ZBTB17: variants seen among roughly 807,000 people sequenced by gnomAD.
The protein encoded by ZBTB17 is zinc finger and BTB domain containing 17.
In ZBTB17, 24 loss-of-function variants were observed where a neutral mutation model predicts 85.1. The ratio of observed to expected loss-of-function variants is 0.28; its 90% CI spans 0.20 to 0.40. The LOEUF (loss-of-function observed/expected upper bound fraction) is 0.40. Ranked by LOEUF, ZBTB17 falls within the 10% of genes least tolerant of loss-of-function variation. The pLI, the probability that ZBTB17 is intolerant of heterozygous loss-of-function variation, is 1.00. For synonymous variants in ZBTB17, 464 were observed against 460.2 expected, an observed-to-expected ratio of 1.01 and a Z score of -0.11; for missense variants, 743 against 1,105.1, an observed-to-expected ratio of 0.67 and a Z score of 4.65.
At chr1:15,970,795 C>T (rs1319583927) in intron 2 of ZBTB17, among the ~76,000 whole-genome samples, 1 of 152,212 alleles carries the variant, frequency 6.6e-6, no homozygotes, top group Non-Finnish European at 1.5e-5. Flanking sequence ...GATCCACCCA[C>T]CTCAGCCTCC....
intron 1 of ZBTB17, 68 bp downstream of exon 1, chr1:15,975,915 C>T: frequency 1.4e-6 from 1 of 694,988 alleles, no homozygotes; most frequent in South Asian, 1.5e-5. Context: ...CCCACCGCGC[C>T]CCATCCTCCG....
chr1:15,942,741 G>A lies in ZBTB17; in HGVS notation c.1829-3C>T, dbSNP rs780360785. On this transcript the variant is annotated splice_polypyrimidine_tract_variant and splice_region_variant and intron_variant, in intron 13 of 15. Transcript: ENST00000375743. The stretch of plus-strand genomic sequence containing the variant: ...ATCACACAGGTAAGGCTTCTCTCCT[G>A]GGGGAGCAAGGTTCTCTCTTGCCTT... 5.6e-6 allele frequency: 9 copies of A among 1,612,904 alleles called. No homozygotes were observed. The highest frequency in any genetic ancestry group is 8.5e-7 in the Non-Finnish European group (1 of 1,179,930).
intron 2 of ZBTB17, among the ~76,000 whole-genome samples, chr1:15,959,553 G>A (rs1570171282): frequency 7.2e-6 from 1 of 139,124 alleles, no homozygotes; most frequent in East Asian, 2.1e-4. Flanking sequence ...GGAGAGGGAG[G>A]GAGGAAAGGA....
chr1:15,946,632 T>C (rs1202779321), intron 4 of ZBTB17, among the ~76,000 whole-genome samples: 1 of 152,178 alleles, frequency 6.6e-6, no homozygotes, highest in African/African-American at 2.4e-5. Context: ...ATAGTGGGCA[T>C]CTGAGGGCTT....
chr1:15,943,741 G>T, intron 10 of ZBTB17, 26 bp from the exon 11 acceptor site: 2 of 1,612,956 alleles, frequency 1.2e-6, no homozygotes, highest in Non-Finnish European at 1.7e-6. Context: ...GGGCGAACCT[G>T]GCGTGGGGCA....
rs544911905 is a variant in ZBTB17, at chr1:15,969,935, T to C, written c.-3+3104A>G. ...AGTCAGGTGTGAATCTGCCCTCCCA[T>C]TGATTGTCACATGTGGTTTGCTGGT... On this transcript the variant is annotated intron_variant, in intron 2 of 15. Transcript: ENST00000375743. 1.2e-5 allele frequency: 8 copies of C among 688,386 alleles called. 1 individual carries two copies. The South Asian group carries it at 1.2e-4, about 10-fold the overall frequency. 42.6% of individuals were successfully genotyped at this position (688,386 alleles called of 1,614,324 possible). A position where few individuals can be genotyped will look rare whatever the true frequency, so the allele number is the denominator to read the frequency against.
rs777069635 is a variant in ZBTB17 at position 15,945,104 on chromosome 1, C to T, written c.760G>A (p.Gly254Ser). Residue 254 changes from glycine to serine, a missense_variant, in exon 7 of 16, where the codon GGT becomes AGT. This residue lies in a region of ZBTB17 where 279 missense variants were observed against 269.9 expected (regional missense o/e 1.03). Transcript: ENST00000375743. ...GAGPAEVKEE[G>S]SQLENGEAPE... is the part of the protein sequence containing the mutation. The stretch of plus-strand genomic sequence containing the variant: ...GCCTCTCCGTTCTCCAGCTGGGAAC[C>T]CTCCTCCTTGACCTCAGCTGGCCCT... 1.2e-6 allele frequency: 2 copies of T among 1,610,130 alleles called. No individual in the cohort carries two copies. Among genetic ancestry groups the T allele is most frequent in the South Asian group, 2.2e-5 (2 of 89,838 alleles).
chr1:15,943,534 GA>G lies in ZBTB17; in HGVS notation c.1577-16del. The G allele has an allele frequency of 6.2e-7, 1 of 1,610,640 alleles. No homozygotes were observed. Among genetic ancestry groups the G allele is most frequent in the Non-Finnish European group, 8.5e-7 (1 of 1,177,786 alleles). On this transcript the variant is annotated splice_polypyrimidine_tract_variant and intron_variant, in intron 11 of 15. Transcript: ENST00000375743. ...TGGCTTCTCACCTGGGGACCGGGCAGAAGGTGTTGGTGCCTGCTCCTCTCCG... is the reference window on the plus strand; with the variant it reads ...TGGCTTCTCACCTGGGGACCGGGCAGAGGTGTTGGTGCCTGCTCCTCTCCG...
At position 15,942,078 on chromosome 1, in the gene ZBTB17, A is replaced by G. The variant is rs2071382602; in HGVS notation, c.2303T>C (p.Val768Ala). ...GAAGACCAGCTCCCCAGCCTGCAGC[A>G]CCTGCCCGGCAGGCCACGTGCCACC... is the stretch of plus-strand genomic sequence containing the variant. ...GPGGTWPAGQVLQAGELVFRP... is the reference protein window; with the variant it reads ...GPGGTWPAGQALQAGELVFRP... Residue 768 changes from valine to alanine, a missense_variant, in exon 16 of 16, where the codon GTG (valine) becomes GCG (alanine). Transcript: ENST00000375743. 1.2e-6 allele frequency: 2 copies of G among 1,613,102 alleles called. No homozygotes were observed. Among genetic ancestry groups the G allele is most frequent in the Non-Finnish European group, 1.7e-6 (2 of 1,180,022 alleles).
chr1:15,945,042 T>C lies in ZBTB17; in HGVS notation c.822A>G (p.Thr274=), dbSNP rs2071537256. ...EENENEESAG[T]DSGQELGSEA... ...CGGAGCCGAGCTCCTGCCCCGAGTC[T>C]GTGCCCGCTGACTCCTCATTCTCGT... Residue 274 remains threonine, a synonymous_variant, in exon 7 of 16, where the codon ACA becomes ACG. Transcript: ENST00000375743. 1 of 1,609,772 alleles carries C rather than the reference T, an allele frequency of 6.2e-7. No individual in the cohort carries two copies. The highest frequency in any genetic ancestry group is 8.5e-7 in the Non-Finnish European group (1 of 1,178,838).
At chr1:15,975,903 G>C (rs947212966) in intron 1 of ZBTB17, 80 bp downstream of exon 1, 1 of 620,498 alleles carries the variant, frequency 1.6e-6, no homozygotes, top group Middle Eastern at 3.8e-4. Context: ...CGTCACCGGC[G>C]TCCCACCGCG....
rs57569573 is a variant in ZBTB17, at chr1:15,942,982, T to TG, written c.1828+81dup. On this transcript the variant is annotated intron_variant, in intron 13 of 15. Transcript: ENST00000375743. ...AGAGCTAGCACCCGAGGCTGGGGTC[T>TG]GGGGGGTCCCTTCCTTCCCCCTGCT... The TG allele has an allele frequency of 0.094, 147,988 of 1,574,690 alleles. 11,025 individuals carry two copies. Among genetic ancestry groups the TG allele is most frequent in the African/African-American group, 0.39 (29,137 of 74,074 alleles).
chr1:15,975,765 G>A (rs1005263836), intron 1 of ZBTB17, among the ~76,000 whole-genome samples: 2 of 151,914 alleles, frequency 1.3e-5, no homozygotes, highest in African/African-American at 4.8e-5. Context: ...CGGTCGCCTG[G>A]CCGCCCACTC....
intron 2 of ZBTB17, among the ~76,000 whole-genome samples, chr1:15,971,457 C>CTATATA (rs66739372): frequency 0.016 from 1,587 of 97,092 alleles, 55 homozygotes; most frequent in Admixed American, 0.024. Flanking sequence ...TACACACACA[C>CTATATA]TATATATACA....
chr1:15,943,499 C>T lies in ZBTB17; in HGVS notation c.1597G>A (p.Val533Met), dbSNP rs777259857. The T allele has an allele frequency of 1.1e-5, 18 of 1,610,274 alleles. No homozygotes were observed. In the South Asian group the frequency reaches 1.2e-4, roughly 11 times the overall value. ...IHTGEKPCQCVMCGKAFTQAS... is the reference protein window; with the variant it reads ...IHTGEKPCQCMMCGKAFTQAS... ...TGGGTGAAGGCCTTACCGCACATCA[C>T]ACACTGGCATGGCTTCTCACCTGGG... Residue 533 changes from valine (V) to methionine (M), a missense_variant, in exon 12 of 16, where the codon GTG (valine) becomes ATG (methionine). Val to Met is a conservative substitution (Grantham distance 21). Transcript: ENST00000375743.
rs2071602518 is a variant in ZBTB17 at position 15,946,185 on chromosome 1, C to A, written c.504G>T (p.Glu168Asp). ...PIGPSRDLKE[E>D]RGGQAQSAAS... Reference sequence around the variant, plus strand: ...CCGCACTCTGGGCCTGACCGCCGCGCTCCTCCTTGAGGTCCCTGCTGGGGC... The same window carrying A: ...CCGCACTCTGGGCCTGACCGCCGCGATCCTCCTTGAGGTCCCTGCTGGGGC... Residue 168 changes from glutamate (E) to aspartate (D), a missense_variant, in exon 5 of 16, where the codon GAG becomes GAT. Coordinates refer to ENST00000375743, the MANE Select transcript of ZBTB17 (RefSeq NM_003443.3). 6.2e-7 allele frequency: 1 copy of A among 1,611,268 alleles called. No homozygotes were observed. The highest frequency in any genetic ancestry group is 8.5e-7 in the Non-Finnish European group (1 of 1,180,002).
At chr1:15,946,338 C>T (rs1194083982) in intron 4 of ZBTB17, 44 bp from the exon 5 acceptor site, 1 of 1,588,990 alleles carries the variant, frequency 6.3e-7, no homozygotes, top group East Asian at 2.3e-5. Context: ...CATCAAGTGC[C>T]CGCCATCTGG....
rs1183415488 is a variant in ZBTB17, at chr1:15,943,066, G to C, written c.1826C>G (p.Thr609Ser). The C allele has an allele frequency of 1.2e-6, 2 of 1,614,034 alleles. No homozygotes were observed. The highest frequency in any genetic ancestry group is 1.7e-6 in the Non-Finnish European group (2 of 1,180,008). Residue 609 changes from threonine (T) to serine (S), a missense_variant and splice_region_variant, in exon 13 of 16, where the codon ACT (threonine) becomes AGT (serine). Transcript: ENST00000375743. ...GCATGGTAGGGGCCACAGCTCACCA[G>C]TGTGAATGATGATGTGCTTGGACAG... The part of the protein sequence containing the change: ...GDLSKHIIIH[T>S]GEKPYLCDKC...
chr1:15,946,708 G>A (rs780703708), intron 4 of ZBTB17, among the ~76,000 whole-genome samples: 3 of 152,222 alleles, frequency 2.0e-5, no homozygotes, highest in Non-Finnish European at 4.4e-5. Context: ...GAGGGTTTAG[G>A]AGCCTGCCCG....
Sources: gnomAD v4.1 joint callset for allele counts (sites outside exome capture counted in the v4.1 genomes callset) on GRCh38, gnomAD v4.1.1 for gene constraint, gnomAD v4.1.1 regional missense constraint, MANE v1.5 for transcripts, NCBI Gene and HGNC (gene_info 2026-07-23, HGNC 2026-07-21) for gene names.